The following CALN1 variants were observed in gnomAD, a reference collection of about 807,000 sequenced individuals.
CALN1 encodes calcium-binding protein 8.
A neutral mutation model predicts 30.6 loss-of-function variants in CALN1; 17 were observed. That is an observed-to-expected ratio of 0.56 (90% confidence interval 0.38 to 0.83). The LOEUF (loss-of-function observed/expected upper bound fraction) is 0.83. Among genes scored for constraint, CALN1 ranks in the 40% least tolerant of loss-of-function variants. CALN1 has a pLI of 0.00. For synonymous variants in CALN1, 156 were observed against 131.4 expected (o/e 1.19, Z -1.28); for missense variants, 291 against 354.9 (o/e 0.82, Z 1.45).
At chr7:72,112,063 A>T (rs1807617485) in intron 3 of CALN1, among the ~76,000 whole-genome samples, 1 of 151,510 alleles carries the variant, frequency 6.6e-6, no homozygotes, top group African/African-American at 2.4e-5. Context: ...CTTTTTTCTT[A>T]AAAAAAAGTC....
At chr7:72,178,516 C>G (rs12673534) in intron 3 of CALN1, among the ~76,000 whole-genome samples, 2 of 151,988 alleles carry the variant, frequency 1.3e-5, no homozygotes, top group Non-Finnish European at 2.9e-5. Context: ...CATGGTGAAA[C>G]CCTCTTTACT....
intron 4 of CALN1, among the ~76,000 whole-genome samples, chr7:72,034,455 G>A (rs1400015741): frequency 7.3e-6 from 1 of 137,722 alleles, no homozygotes; most frequent in South Asian, 2.5e-4. Flanking sequence ...AGGCAGGATG[G>A]TGTCAAGGAG....
chr7:71,817,543 T>C (rs1788335721), intron 5 of CALN1, among the ~76,000 whole-genome samples: 1 of 152,176 alleles, frequency 6.6e-6, no homozygotes. Flanking sequence ...TGAGACGGAG[T>C]CTCGCTCTGT....
At chr7:72,464,008 G>A in the CALN1 span, among the ~76,000 whole-genome samples, 1 of 141,486 alleles carries the variant, frequency 7.1e-6, no homozygotes, top group African/African-American at 2.7e-5. Flanking sequence ...AGGGAGGGAG[G>A]GGAAGAAAGA....
At chr7:71,844,514 A>G (rs1790119918) in intron 5 of CALN1, among the ~76,000 whole-genome samples, 1 of 152,358 alleles carries the variant, frequency 6.6e-6, no homozygotes, top group South Asian at 2.1e-4. Context: ...TTTCAATTGG[A>G]ACAAATTCCC....
At chr7:72,394,495 G>C (rs1426970476) in intron 2 of CALN1, among the ~76,000 whole-genome samples, 1 of 152,104 alleles carries the variant, frequency 6.6e-6, no homozygotes, top group Non-Finnish European at 1.5e-5. Context: ...TTACGGGACT[G>C]GTCCAGTACA....
At chr7:72,422,911 T>C (rs1377779891) in intron 1 of CALN1, among the ~76,000 whole-genome samples, 1 of 152,150 alleles carries the variant, frequency 6.6e-6, no homozygotes, top group East Asian at 1.9e-4. Context: ...GGCAGATCAC[T>C]TGAGGTCAGC....
At chr7:72,165,841 A>G (rs1788484765) in intron 3 of CALN1, among the ~76,000 whole-genome samples, 1 of 152,006 alleles carries the variant, frequency 6.6e-6, no homozygotes, top group Non-Finnish European at 1.5e-5. Context: ...AGGTTAAACA[A>G]TTTATATGCA....
intron 2 of CALN1, among the ~76,000 whole-genome samples, chr7:72,380,034 G>C (rs1804794318): frequency 6.6e-6 from 1 of 152,220 alleles, no homozygotes; most frequent in Non-Finnish European, 1.5e-5. Context: ...ATTATAAATA[G>C]GGTATTTGCT....
intron 2 of CALN1, chr7:72,336,755 G>A: frequency 4.1e-6 from 4 of 985,308 alleles, no homozygotes; most frequent in Non-Finnish European, 4.8e-6. Context: ...CCTCCGCACA[G>A]CGCGGGGGGC....
chr7:72,217,586 A>G (rs1374946931), intron 3 of CALN1, among the ~76,000 whole-genome samples: 1 of 152,114 alleles, frequency 6.6e-6, no homozygotes, highest in African/African-American at 2.4e-5. Context: ...CAGAGTTCAG[A>G]GATTGTCATC....
Position 72,349,248 on chromosome 7 carries a change from G to A in CALN1, c.119+54003C>T, listed in dbSNP as rs909737875. Reference sequence around the variant, plus strand: ...TATGTTCGATTTTAATACCTAAAGCGAGAGAAAAAGAGAGAGACTGTAAAC... The same window carrying A: ...TATGTTCGATTTTAATACCTAAAGCAAGAGAAAAAGAGAGAGACTGTAAAC... On this transcript the variant is annotated intron_variant, in intron 2 of 6. Coordinates refer to ENST00000395275, the MANE Select transcript of CALN1 (RefSeq NM_031468.4). Among the ~76,000 whole-genome samples, 9 of 151,654 alleles carry A rather than the reference G, an allele frequency of 5.9e-5. No individual in the cohort carries two copies. In the South Asian group the frequency reaches 6.3e-4, roughly 11 times the overall value.
intron 3 of CALN1, among the ~76,000 whole-genome samples, chr7:72,275,819 G>C (rs1454905345): frequency 6.6e-6 from 1 of 152,162 alleles, no homozygotes; most frequent in African/African-American, 2.4e-5. Flanking sequence ...AAGTTTATAT[G>C]CTTTTCTGTT....
chr7:72,110,593 C>T lies in CALN1; in HGVS notation c.245-4299G>A, dbSNP rs140788536. Among the ~76,000 whole-genome samples the T allele has an allele frequency of 2.0e-3, 296 of 151,054 alleles. 1 individual carries two copies. The highest frequency in any genetic ancestry group is 6.5e-3 in the African/African-American group (267 of 41,130). On this transcript the variant is annotated intron_variant, in intron 3 of 6. Coordinates refer to ENST00000395275, the MANE Select transcript of CALN1 (RefSeq NM_031468.4). ...GCTCCTGGCTCCCACGTAGAGAATT[C>T]GTGTGTGTGTCTATGTGAGTGTGTG...
At chr7:72,417,233 G>A (rs1349290723), upstream of CALN1, among the ~76,000 whole-genome samples, 1 of 152,224 alleles carries the variant, frequency 6.6e-6, no homozygotes, top group African/African-American at 2.4e-5. Flanking sequence ...CCCGTGCAAT[G>A]GGATTGGCAG....
intron 3 of CALN1, among the ~76,000 whole-genome samples, chr7:72,226,510 A>G (rs1793689149): frequency 6.6e-6 from 1 of 152,030 alleles, no homozygotes; most frequent in Non-Finnish European, 1.5e-5. Context: ...CAGCTTCAAC[A>G]CCCCACATTG....
chr7:72,058,055 T>C (rs556007834), intron 4 of CALN1, among the ~76,000 whole-genome samples: 1 of 152,102 alleles, frequency 6.6e-6, no homozygotes, highest in African/African-American at 2.4e-5. Context: ...ACAACCACCA[T>C]CCGGATCATT....
At position 71,962,263 on chromosome 7, in the gene CALN1, C is replaced by T. The variant is rs374895239; in HGVS notation, c.501+61394G>A. Among the ~76,000 whole-genome samples, 113 of 151,942 alleles carry T rather than the reference C, an allele frequency of 7.4e-4. 1 individual carries two copies. The highest frequency in any genetic ancestry group is 2.6e-3 in the African/African-American group (109 of 41,426). ...AAAAAAGTTTAAAAAATCAGTCATG[C>T]CTGGTGGCATGCACCTGTTGTTCCA... On this transcript the variant is annotated intron_variant, in intron 5 of 6. Coordinates refer to ENST00000395275, the MANE Select transcript of CALN1 (RefSeq NM_031468.4).
At chr7:72,010,050 A>C (rs1799984271) in intron 5 of CALN1, among the ~76,000 whole-genome samples, 1 of 152,200 alleles carries the variant, frequency 6.6e-6, no homozygotes, top group South Asian at 2.1e-4. Context: ...GAAGGTAACA[A>C]AATTGCTGCA....
Sources: allele counts gnomAD v4.1 joint callset (sites outside exome capture counted in the v4.1 genomes callset), GRCh38; gene constraint gnomAD v4.1.1; transcripts MANE v1.5; gene names NCBI Gene and HGNC (gene_info 2026-07-23, HGNC 2026-07-21).